The following RAB28 variants were observed in gnomAD, a reference collection of about 807,000 sequenced individuals.
The protein encoded by RAB28 is ras-related protein Rab-28.
A neutral mutation model predicts 31.7 loss-of-function variants in RAB28; 24 were observed. That is an observed-to-expected ratio of 0.76 (90% CI 0.55 to 1.06). The LOEUF (loss-of-function observed/expected upper bound fraction) is 1.06, where lower values mean the gene tolerates loss of function less well. Ranked by LOEUF, RAB28 falls within the 50% of genes least tolerant of loss-of-function variation. The probability of loss-of-function intolerance (pLI) is 0.00; values close to 1 mark genes in which losing one functional copy is unlikely to be tolerated. For synonymous variants in RAB28, 100 were observed against 90.4 expected, an observed-to-expected ratio of 1.11 and a Z score of -0.60; for missense variants, 254 against 258.5, an observed-to-expected ratio of 0.98 and a Z score of 0.12.
intron 4 of RAB28, among the ~76,000 whole-genome samples, chr4:13,387,064 A>G (rs775630230): frequency 8.5e-5 from 13 of 152,066 alleles, no homozygotes; most frequent in Non-Finnish European, 1.8e-4. Flanking sequence ...GGACACATAG[A>G]GGGGAACAAT....
rs757358171 is a variant in RAB28 at position 13,484,060 on chromosome 4, C to G, written c.75+16G>C. On this transcript the variant is annotated intron_variant, in intron 1 of 6. Transcript: ENST00000330852. ...TTCCTGCAGGCCTGGGACGGCGGGC[C>G]TGCTCGAGGACTGACCTTCCCGGAG... is the stretch of plus-strand genomic sequence containing the variant. The G allele has an allele frequency of 6.3e-7, 1 of 1,583,586 alleles. No individual in the cohort carries two copies. Among genetic ancestry groups the G allele is most frequent in the African/African-American group, 1.3e-5 (1 of 74,282 alleles).
chr4:13,468,261 G>A (rs1300968916), intron 3 of RAB28, among the ~76,000 whole-genome samples: 4 of 151,914 alleles, frequency 2.6e-5, no homozygotes, highest in African/African-American at 7.2e-5. Context: ...GACATTTATA[G>A]ACTACGGTAT....
chr4:13,446,460 C>T (rs1337403843), intron 4 of RAB28, among the ~76,000 whole-genome samples: 1 of 152,178 alleles, frequency 6.6e-6, no homozygotes, highest in Non-Finnish European at 1.5e-5. Context: ...AACAGCCACC[C>T]AGTTTTGTAC....
At chr4:13,453,626 T>G (rs991434390) in intron 4 of RAB28, among the ~76,000 whole-genome samples, 3 of 152,150 alleles carry the variant, frequency 2.0e-5, no homozygotes. Flanking sequence ...GACGGGTTTT[T>G]TTTTTCTTTC....
rs919902651 is a variant in RAB28 at position 13,484,246 on chromosome 4, G to A, written c.-96C>T. On this transcript the variant is annotated 5_prime_UTR_variant, in exon 1 of 7. Transcript: ENST00000330852. ...GGAGAGGAGGAAGGGAGGTAGTTGC[G>A]GCAGGACCCCCGCCCCGGTGTCTCC... 3 of 949,956 alleles carry A rather than the reference G, an allele frequency of 3.2e-6. No homozygotes were observed. The highest frequency in any genetic ancestry group is 1.6e-5 in the African/African-American group (1 of 61,474). The allele number at this position is 949,956 out of a possible 1,614,324, so 58.8% of individuals were successfully genotyped here. A position where few individuals can be genotyped will look rare whatever the true frequency, so the allele number is the denominator to read the frequency against.
intron 4 of RAB28, among the ~76,000 whole-genome samples, chr4:13,406,275 G>A (rs1267773103): frequency 6.6e-6 from 1 of 152,146 alleles, no homozygotes; most frequent in Non-Finnish European, 1.5e-5. Flanking sequence ...TACTCTGTTA[G>A]TTTGCTGAGA....
chr4:13,436,151 C>T (rs1176062234), intron 4 of RAB28, among the ~76,000 whole-genome samples: 5 of 152,016 alleles, frequency 3.3e-5, no homozygotes, highest in Non-Finnish European at 5.9e-5. Flanking sequence ...CAATAAAATG[C>T]AACATCCCTT....
chr4:13,427,904 C>G (rs1468071980), intron 4 of RAB28, among the ~76,000 whole-genome samples: 1 of 152,164 alleles, frequency 6.6e-6, no homozygotes, highest in African/African-American at 2.4e-5. Context: ...GTGCTTTATT[C>G]GGCTGGGAGC....
intron 6 of RAB28, among the ~76,000 whole-genome samples, chr4:13,375,788 CACACACAGAG>C (rs1411944832): frequency 1.3e-5 from 2 of 149,336 alleles, no homozygotes; most frequent in Non-Finnish European, 3.0e-5. Context: ...CACACACACA[CACACACAGAG>C]AGAGAGAGAG....
intron 3 of RAB28, among the ~76,000 whole-genome samples, chr4:13,470,652 CCACAGGT>C (rs1716079142): frequency 6.6e-6 from 1 of 152,002 alleles, no homozygotes; most frequent in South Asian, 2.1e-4. Context: ...CCTCTGTTAG[CCACAGGT>C]TACAGGGCAC....
chr4:13,449,516 C>T (rs888782292), intron 4 of RAB28, among the ~76,000 whole-genome samples: 2 of 151,842 alleles, frequency 1.3e-5, no homozygotes, highest in South Asian at 2.1e-4. Flanking sequence ...TTATAGGGTA[C>T]ATTAAAACGT....
intron 4 of RAB28, among the ~76,000 whole-genome samples, chr4:13,454,207 T>C (rs1002827295): frequency 1.3e-5 from 2 of 152,216 alleles, no homozygotes; most frequent in Non-Finnish European, 2.9e-5. Context: ...TATATCCATC[T>C]CTCTGTTAAA....
At chr4:13,436,082 A>G (rs1198346520) in intron 4 of RAB28, among the ~76,000 whole-genome samples, 1 of 152,242 alleles carries the variant, frequency 6.6e-6, no homozygotes, top group Non-Finnish European at 1.5e-5. Context: ...GATTCACCAC[A>G]TAAAAAGAAA....
chr4:13,452,904 A>C (rs1340444008), intron 4 of RAB28, among the ~76,000 whole-genome samples: 1 of 152,088 alleles, frequency 6.6e-6, no homozygotes, highest in Admixed American at 6.6e-5. Flanking sequence ...ATTAGAGTCT[A>C]TCTCTACCTT....
chr4:13,402,510 C>A (rs1333289285), intron 4 of RAB28, among the ~76,000 whole-genome samples: 1 of 152,168 alleles, frequency 6.6e-6, no homozygotes, highest in Non-Finnish European at 1.5e-5. Context: ...CTTATCGCTA[C>A]AAAATTCCTT....
chr4:13,397,145 G>A (rs1336504151), intron 4 of RAB28, among the ~76,000 whole-genome samples: 2 of 152,130 alleles, frequency 1.3e-5, no homozygotes, highest in African/African-American at 4.8e-5. Context: ...ACACAGGGCT[G>A]AAAATTAATG....
At chr4:13,435,987 AAGC>A (rs1404728238) in intron 4 of RAB28, among the ~76,000 whole-genome samples, 1 of 152,148 alleles carries the variant, frequency 6.6e-6, no homozygotes, top group African/African-American at 2.4e-5. Context: ...AAATCAAATC[AAGC>A]AGCATATCAA....
At chr4:13,402,865 G>A (rs1711852475) in intron 4 of RAB28, among the ~76,000 whole-genome samples, 1 of 152,064 alleles carries the variant, frequency 6.6e-6, no homozygotes, top group Admixed American at 6.5e-5. Context: ...CGTGATCACG[G>A]CTCACTGCAG....
At chr4:13,464,503 T>C (rs139527092) in intron 3 of RAB28, among the ~76,000 whole-genome samples, 172 of 152,132 alleles carry the variant, frequency 1.1e-3, no homozygotes, top group African/African-American at 3.9e-3. Context: ...ACTAAAACTT[T>C]ATCATAAGAA....
Sources: allele counts gnomAD v4.1 joint callset (sites outside exome capture counted in the v4.1 genomes callset), GRCh38; gene constraint gnomAD v4.1.1; transcripts MANE v1.5; gene names NCBI Gene and HGNC (gene_info 2026-07-23, HGNC 2026-07-21).